The following GNAS variants were observed in gnomAD, a reference collection of about 807,000 sequenced individuals.
GNAS encodes GNAS complex locus.
In GNAS, 8 loss-of-function variants were observed where a neutral mutation model predicts 54.5. That is an observed-to-expected ratio of 0.15 (90% confidence interval 0.09 to 0.26). GNAS has a LOEUF of 0.26. GNAS is among the 10% of genes least tolerant of loss of function. GNAS has a pLI of 1.00. For synonymous variants in GNAS, 204 were observed against 191.4 expected, an observed-to-expected ratio of 1.07 and a Z score of -0.54; for missense variants, 170 against 529.8, an observed-to-expected ratio of 0.32 and a Z score of 6.67.
At chr20:58,850,090 A>G (rs2086097435) in intron 1 of GNAS, among the ~76,000 whole-genome samples, 1 of 152,038 alleles carries the variant, frequency 6.6e-6, no homozygotes, top group Non-Finnish European at 1.5e-5. Context: ...TCCTACCATT[A>G]AATCCTTTGT....
chr20:58,840,436 G>A, upstream of GNAS: 2 of 1,613,492 alleles, frequency 1.2e-6, no homozygotes, highest in Non-Finnish European at 1.7e-6. This position sits in a 1 kb window ranked among gnomAD's most constrained non-coding sequence, Gnocchi z 6.0. Context: ...TCGACTACGA[G>A]ACCGAGAGCG....
chr20:58,853,680 A>G lies in GNAS; in HGVS notation c.43+12794A>G, dbSNP rs2086279088. 1.2e-6 allele frequency: 2 copies of G among 1,613,720 alleles called. No individual in the cohort carries two copies. The highest frequency in any genetic ancestry group is 1.7e-6 in the Non-Finnish European group (2 of 1,179,848). ...CCTTGAGGCCTTCGGCCCAGCACTC[A>G]TGGAGCCCGGAGCCTTCAGTGGTGC... On this transcript the variant is annotated intron_variant, in intron 1 of 12. Transcript: ENST00000306090. This position sits in a 1 kb window ranked among gnomAD's most constrained non-coding sequence, Gnocchi z 4.4.
upstream of GNAS, chr20:58,840,800 G>A (rs775124978): frequency 3.1e-6 from 5 of 1,612,414 alleles, no homozygotes; most frequent in South Asian, 2.2e-5. This position sits in a 1 kb window ranked among gnomAD's most constrained non-coding sequence, Gnocchi z 6.0. Context: ...CGCGTCCCCG[G>A]AGTCCCCTTC....
intron 1 of GNAS, chr20:58,864,274 C>T (rs137957516): frequency 1.4e-4 from 22 of 152,292 alleles, no homozygotes; most frequent in African/African-American, 5.1e-4. Flanking sequence ...GGGATTTAAG[C>T]AGAAAGCCCT....
At chr20:58,850,860 ACCCCAGCAGC>A (rs1402073029) in intron 1 of GNAS, 1 of 397,976 alleles carries the variant, frequency 2.5e-6, no homozygotes, top group Non-Finnish European at 4.4e-6. Flanking sequence ...GCTTCCAACC[ACCCCAGCAGC>A]ACCTCTTCGG....
intron 3 of GNAS, chr20:58,900,458 T>G (rs556674561): frequency 1.0e-5 from 2 of 193,338 alleles, no homozygotes; most frequent in South Asian, 1.9e-4. Context: ...TTGTCTGTCT[T>G]TTCCCACCAA....
Position 58,853,683 on chromosome 20 carries a change from G to C in GNAS, c.43+12797G>C. 6.2e-7 allele frequency: 1 copy of C among 1,613,750 alleles called. No individual in the cohort carries two copies. Among genetic ancestry groups the C allele is most frequent in the South Asian group, 1.1e-5 (1 of 91,092 alleles). The stretch of plus-strand genomic sequence containing the variant: ...TGAGGCCTTCGGCCCAGCACTCATG[G>C]AGCCCGGAGCCTTCAGTGGTGCCAG... On this transcript the variant is annotated intron_variant, in intron 1 of 12. Transcript: ENST00000306090. The surrounding 1 kb of genome is among the most constrained non-coding windows in gnomAD (Gnocchi z 4.4).
At chr20:58,848,300 C>A (rs2086015878) in intron 1 of GNAS, among the ~76,000 whole-genome samples, 1 of 152,248 alleles carries the variant, frequency 6.6e-6, no homozygotes, top group Non-Finnish European at 1.5e-5. Context: ...GCCCTACACT[C>A]CAGCACACAG....
At chr20:58,849,715 G>A (rs1438968567) in intron 1 of GNAS, among the ~76,000 whole-genome samples, 1 of 152,160 alleles carries the variant, frequency 6.6e-6, no homozygotes, top group East Asian at 1.9e-4. Context: ...CATAAGAGCT[G>A]CTCCAGGAGG....
chr20:58,874,995 A>C (rs2087713475), intron 1 of GNAS, among the ~76,000 whole-genome samples: 1 of 152,186 alleles, frequency 6.6e-6, no homozygotes, highest in Non-Finnish European at 1.5e-5. Context: ...GGTCTCTGTA[A>C]CTATCACAGC....
intron 4 of GNAS, 29 bp from the exon 5 acceptor site, chr20:58,903,642 TC>T (rs1569015958): frequency 1.2e-6 from 2 of 1,614,124 alleles, no homozygotes; most frequent in African/African-American, 1.3e-5. Context: ...CCAGTGCTGT[TC>T]CCTGACCGCT....
upstream of GNAS, chr20:58,889,255 G>T: frequency 9.3e-7 from 1 of 1,075,562 alleles, no homozygotes; most frequent in South Asian, 2.3e-5. Flanking sequence ...CTGGCTCCGG[G>T]CTGCGGCGCG....
At chr20:58,898,781 G>GA in intron 2 of GNAS, 160 bp from the exon 3 acceptor site, 2 of 754,398 alleles carry the variant, frequency 2.7e-6, no homozygotes, top group Non-Finnish European at 4.8e-6. Context: ...AATTTAGCCA[G>GA]AAAGGCGACC....
At chr20:58,904,534 A>G (rs2090913314) in intron 5 of GNAS, among the ~76,000 whole-genome samples, 1 of 152,252 alleles carries the variant, frequency 6.6e-6, no homozygotes, top group South Asian at 2.1e-4. Flanking sequence ...AGAATGGCTT[A>G]TAAGCGGGGA....
At chr20:58,900,728 ACAAT>A (rs1169256222) in intron 3 of GNAS, among the ~76,000 whole-genome samples, 1 of 152,244 alleles carries the variant, frequency 6.6e-6, no homozygotes, top group African/African-American at 2.4e-5. Flanking sequence ...TCTGAATTTC[ACAAT>A]CAACGTTAAA....
intron 1 of GNAS, among the ~76,000 whole-genome samples, chr20:58,845,904 G>A (rs1374305550): frequency 1.3e-5 from 2 of 152,316 alleles, no homozygotes; most frequent in East Asian, 3.9e-4. Flanking sequence ...AAATGGGGAG[G>A]CTGCCTTCCC....
chr20:58,906,846 C>A (rs149275210), intron 6 of GNAS, among the ~76,000 whole-genome samples: 1 of 152,280 alleles, frequency 6.6e-6, no homozygotes, highest in African/African-American at 2.4e-5. Flanking sequence ...GTAAAGATAT[C>A]TTCTGTTTGT....
chr20:58,889,141 G>T, upstream of GNAS: 1 of 1,200,936 alleles, frequency 8.3e-7, no homozygotes, highest in Non-Finnish European at 1.1e-6. Context: ...GGGCGTCATC[G>T]GGGCCGGTTA....
Position 58,909,478 on chromosome 20 carries a change from C to T in GNAS, c.660-43C>T, listed in dbSNP as rs2091295666. 1.2e-6 allele frequency: 2 copies of T among 1,611,316 alleles called. No individual in the cohort carries two copies. Among genetic ancestry groups the T allele is most frequent in the Non-Finnish European group, 1.7e-6 (2 of 1,177,410 alleles). On this transcript the variant is annotated intron_variant, in intron 8 of 12. Transcript: ENST00000371085. The surrounding 1 kb of genome is among the most constrained non-coding windows in gnomAD (Gnocchi z 7.3). Reference sequence around the variant, plus strand: ...AGAGATCATGGTTTCTTGACATTCACCCCAGTCCCTCTGGAATAACCAGCT... The same window carrying T: ...AGAGATCATGGTTTCTTGACATTCATCCCAGTCCCTCTGGAATAACCAGCT...
Sources: allele counts gnomAD v4.1 joint callset (sites outside exome capture counted in the v4.1 genomes callset), GRCh38; gene constraint gnomAD v4.1.1; non-coding constraint Gnocchi (gnomAD v3.1); transcripts MANE v1.5; gene names NCBI Gene and HGNC (gene_info 2026-07-23, HGNC 2026-07-21).